Variants in DDX11 observed in about 807,000 individuals in gnomAD.
The protein encoded by DDX11 is DEAD/H-box helicase 11.
In DDX11, 72 loss-of-function variants were observed where a neutral mutation model predicts 125.2. The observed-to-expected ratio is 0.58, with a 90% CI of 0.48 to 0.70. The LOEUF (loss-of-function observed/expected upper bound fraction) is 0.70. Ranked by LOEUF, DDX11 falls within the 30% of genes least tolerant of loss-of-function variation. The pLI is 0.00. For synonymous variants in DDX11, 347 were observed against 452.6 expected (o/e 0.77, Z 2.96); for missense variants, 883 against 1,165.0 (o/e 0.76, Z 3.52).
Position 31,099,774 on chromosome 12 carries a change from C to A in DDX11, c.1876-861C>A, listed in dbSNP as rs1022356115. On this transcript the variant is annotated intron_variant, in intron 18 of 26. Coordinates refer to ENST00000542838, the MANE Select transcript of DDX11 (RefSeq NM_030653.4). The stretch of plus-strand genomic sequence containing the variant: ...TTTAAATATGTAAATATTTGTATGG[C>A]TCAAAAGTCAAAGCAATATAAAAAG... Among the ~76,000 whole-genome samples, 122 of 151,882 alleles carry A rather than the reference C, an allele frequency of 8.0e-4. 1 individual carries two copies. Among genetic ancestry groups the A allele is most frequent in the African/African-American group, 2.7e-3 (112 of 41,374 alleles).
At chr12:31,087,500 G>C in intron 5 of DDX11, 1 of 322,728 alleles carries the variant, frequency 3.1e-6, no homozygotes, top group Non-Finnish European at 6.1e-6. Context: ...TGGAGGAGGT[G>C]ATGTTTCTGC....
rs1306384609 is a variant in DDX11 at position 31,104,133 on chromosome 12, C to T, written c.*297C>T. ...GCATGGCTGAGAGCCAGGCTTCCTT[C>T]CTGGTCTCCGCAGGAGGCTGTGGCA... On this transcript the variant is annotated 3_prime_UTR_variant, in exon 27 of 27. Coordinates refer to ENST00000542838, the MANE Select transcript of DDX11 (RefSeq NM_030653.4). 10 of 1,480,478 alleles carry T rather than the reference C, an allele frequency of 6.8e-6. No individual in the cohort carries two copies. The Admixed American group carries it at 2.3e-4, about 35-fold the overall frequency. 91.7% of individuals were successfully genotyped at this position (1,480,478 alleles called of 1,614,324 possible).
At position 31,100,803 on chromosome 12, in the gene DDX11, CGGA is replaced by C. The variant is rs1946241959; in HGVS notation, c.1948+101_1948+103del. 5.1e-6 allele frequency: 7 copies of C among 1,384,448 alleles called. No individual in the cohort carries two copies. The South Asian group carries it at 6.2e-5, about 12-fold the overall frequency. The allele number at this position is 1,384,448 out of a possible 1,614,324, so 85.8% of individuals were successfully genotyped here. On this transcript the variant is annotated intron_variant, in intron 19 of 26. Transcript: ENST00000542838. ...CTCATACTGCGACCAGGCACAGGGG[CGGA>C]GGAGACCCCGGGGTGGGAGCCTCAC...
At chr12:31,088,503 G>C (rs986209760) in intron 6 of DDX11, among the ~76,000 whole-genome samples, 3 of 152,188 alleles carry the variant, frequency 2.0e-5, no homozygotes, top group Non-Finnish European at 4.4e-5. Flanking sequence ...GAGGGCTATG[G>C]GTTGTGTATG....
chr12:31,096,462 C>T, intron 15 of DDX11, 83 bp downstream of exon 15: 2 of 1,612,542 alleles, frequency 1.2e-6, no homozygotes, highest in Non-Finnish European at 1.7e-6. Context: ...CTCCCCTGCC[C>T]TCAGGGAACT....
chr12:31,100,440 A>T, intron 18 of DDX11, 195 bp from the exon 19 acceptor site: 1 of 534,588 alleles, frequency 1.9e-6, no homozygotes, highest in Non-Finnish European at 3.4e-6. Flanking sequence ...CTGTTCCTGC[A>T]CATAGTTTAA....
intron 15 of DDX11, 121 bp downstream of exon 15, chr12:31,096,500 T>C (rs578081197): frequency 2.5e-6 from 4 of 1,597,126 alleles, no homozygotes; most frequent in Non-Finnish European, 3.4e-6. Context: ...TCCACTCTCC[T>C]TGGTGCAGTG....
At chr12:31,080,561 G>A (rs983245452) in intron 2 of DDX11, among the ~76,000 whole-genome samples, 3 of 150,864 alleles carry the variant, frequency 2.0e-5, no homozygotes, top group South Asian at 2.1e-4. Flanking sequence ...GAGAATGAGT[G>A]GGGGAGATCT....
intron 12 of DDX11, among the ~76,000 whole-genome samples, chr12:31,093,919 T>C (rs531668639): frequency 3.1e-4 from 46 of 147,742 alleles, no homozygotes; most frequent in Non-Finnish European, 5.8e-4. Context: ...CACACGGTGT[T>C]TCCGTGATAG....
chr12:31,079,208 T>G (rs1941355004), intron 2 of DDX11, among the ~76,000 whole-genome samples: 2 of 152,104 alleles, frequency 1.3e-5, no homozygotes, highest in South Asian at 4.2e-4. Flanking sequence ...TAATATTCTG[T>G]TTTTTCTAGT....
chr12:31,097,628 C>T (rs1945523022), intron 17 of DDX11, among the ~76,000 whole-genome samples: 2 of 134,504 alleles, frequency 1.5e-5, no homozygotes, highest in South Asian at 2.3e-4. Context: ...TGCAGGGAGC[C>T]GAGATTGAGC....
chr12:31,102,224 T>C lies in DDX11; in HGVS notation c.2203-19T>C. On this transcript the variant is annotated intron_variant, in intron 21 of 26. Coordinates refer to ENST00000542838, the MANE Select transcript of DDX11 (RefSeq NM_030653.4). Reference sequence around the variant, plus strand: ...GCACCCTGAACCTGTCTCTGGGAAATGTCCTCTGTCTTTCTCAGATATTCC... The same window carrying C: ...GCACCCTGAACCTGTCTCTGGGAAACGTCCTCTGTCTTTCTCAGATATTCC... 2 of 1,611,702 alleles carry C rather than the reference T, an allele frequency of 1.2e-6. No individual in the cohort carries two copies. The highest frequency in any genetic ancestry group is 1.7e-6 in the Non-Finnish European group (2 of 1,177,808).
chr12:31,100,858 T>G (rs1284182160), intron 19 of DDX11, 151 bp downstream of exon 19: 1 of 1,086,132 alleles, frequency 9.2e-7, no homozygotes, highest in Non-Finnish European at 1.4e-6. Flanking sequence ...CAGGCTCTCC[T>G]GCTTTGCTCC....
chr12:31,076,140 G>C (rs1201804505), intron 1 of DDX11, among the ~76,000 whole-genome samples: 1 of 152,128 alleles, frequency 6.6e-6, no homozygotes, highest in African/African-American at 2.4e-5. Flanking sequence ...TTTTTGTCTT[G>C]GGATTCAGAA....
In DDX11 at chr12:31,078,204, G is replaced by T. The variant is rs77842499; in HGVS notation, c.-4-186G>T. 0.013 allele frequency: 19,414 copies of T among 1,529,372 alleles called. 563 individuals are homozygous for T. The East Asian group carries it at 0.14, about 11-fold the overall frequency. 94.7% of individuals were successfully genotyped at this position (1,529,372 alleles called of 1,614,324 possible). A position where few individuals can be genotyped will look rare whatever the true frequency, so the allele number is the denominator to read the frequency against. The stretch of plus-strand genomic sequence containing the variant: ...CGTTAAATGCCGCTAGATGGAGTGC[G>T]TGATTCTGGTATGGCCTCACGTGGA... On this transcript the variant is annotated intron_variant, in intron 1 of 26. Coordinates refer to ENST00000542838, the MANE Select transcript of DDX11 (RefSeq NM_030653.4).
chr12:31,084,934 C>A, intron 4 of DDX11, 35 bp from the exon 5 acceptor site: 4 of 1,580,698 alleles, frequency 2.5e-6, no homozygotes, highest in Non-Finnish European at 3.4e-6. Context: ...GCTGAGACTT[C>A]TTCCTCCCTC....
chr12:31,098,567 A>G (rs1945753924), intron 18 of DDX11, among the ~76,000 whole-genome samples: 1 of 152,164 alleles, frequency 6.6e-6, no homozygotes, highest in African/African-American at 2.4e-5. Context: ...TGTGCAAGCT[A>G]TTTGCAGTTT....
At chr12:31,091,534 T>G in intron 9 of DDX11, 185 bp from the exon 10 acceptor site, 2 of 613,228 alleles carry the variant, frequency 3.3e-6, no homozygotes, top group East Asian at 5.6e-5. Flanking sequence ...TTCCTGTGTT[T>G]CATGTATTGG....
In DDX11 at chr12:31,085,932, G is replaced by A. The variant is rs1943044750; in HGVS notation, c.638+806G>A. 6.5e-5 allele frequency: 28 copies of A among 433,710 alleles called. 1 individual carries two copies. Among genetic ancestry groups the A allele is most frequent in the South Asian group, 4.7e-4 (28 of 59,738 alleles). 26.9% of individuals were successfully genotyped at this position (433,710 alleles called of 1,614,324 possible). A position where few individuals can be genotyped will look rare whatever the true frequency, so the allele number is the denominator to read the frequency against. The stretch of plus-strand genomic sequence containing the variant: ...GTCCCGTGTGTCCTGTGACATCCTG[G>A]CCACCACATCTGTCGGAGGGTAACT... On this transcript the variant is annotated intron_variant, in intron 5 of 26. Transcript: ENST00000542838.
Sources: gnomAD v4.1 joint callset for allele counts (sites outside exome capture counted in the v4.1 genomes callset) on GRCh38, gnomAD v4.1.1 for gene constraint, MANE v1.5 for transcripts, NCBI Gene and HGNC (gene_info 2026-07-23, HGNC 2026-07-21) for gene names.